Variants in PDE6A observed in about 807,000 individuals in gnomAD.
PDE6A encodes the protein phosphodiesterase 6A.
A neutral mutation model predicts 106.3 loss-of-function variants in PDE6A; 84 were observed. The observed-to-expected ratio is 0.79, with a 90% CI of 0.66 to 0.95. The LOEUF (loss-of-function observed/expected upper bound fraction) is 0.95, where lower values mean the gene tolerates loss of function less well. PDE6A is among the 40% of genes least tolerant of loss of function. PDE6A has a pLI of 0.00. For synonymous variants in PDE6A, 394 were observed against 386.6 expected, an observed-to-expected ratio of 1.02 and a Z score of -0.23; for missense variants, 1,052 against 1,084.9, an observed-to-expected ratio of 0.97 and a Z score of 0.43.
intron 4 of PDE6A, among the ~76,000 whole-genome samples, chr5:149,928,231 A>ATATATATTT: frequency 5.1e-5 from 1 of 19,744 alleles, no homozygotes; most frequent in African/African-American, 4.8e-4. Context: ...ATATATATAT[A>ATATATATTT]TTTTTTTTTT....
chr5:149,871,234 G>A (rs998150425), intron 17 of PDE6A, among the ~76,000 whole-genome samples: 3 of 152,190 alleles, frequency 2.0e-5, no homozygotes, highest in Admixed American at 1.3e-4. Flanking sequence ...AGAACACACA[G>A]GGAAAGTGGT....
chr5:149,886,225 G>A, intron 14 of PDE6A, 40 bp downstream of exon 14: 1 of 1,415,348 alleles, frequency 7.1e-7, no homozygotes, highest in Non-Finnish European at 1.0e-6. Flanking sequence ...GCTGGATAAT[G>A]AATCCGGAGG....
Position 149,895,198 on chromosome 5 carries a change from C to A in PDE6A, c.1713G>T (p.Met571Ile). ...WRHGFNVGQT[M>I]FSLLVTGKLK... ...CCCGCCATACCACCAGCAGGGAGAA[C>A]ATGGTCTGCCCCACGTTGAAGCCGT... The change falls in exon 13 of 22, where the codon ATG becomes ATT. Residue 571 changes from methionine to isoleucine, a missense_variant. By Grantham distance (10) the Met-to-Ile change is conservative. Around this residue, in one of 3 missense-constraint regions of PDE6A, gnomAD observed 913 missense variants for 915.2 expected, o/e 1.00. Transcript: ENST00000255266. The A allele has an allele frequency of 2.5e-6, 4 of 1,613,534 alleles. No homozygotes were observed. The highest frequency in any genetic ancestry group is 3.4e-6 in the Non-Finnish European group (4 of 1,179,438).
At chr5:149,870,994 G>C (rs527601309) in intron 17 of PDE6A, among the ~76,000 whole-genome samples, 1 of 152,068 alleles carries the variant, frequency 6.6e-6, no homozygotes, top group Non-Finnish European at 1.5e-5. Context: ...AAGGTGACTA[G>C]CTCAGTCCAG....
chr5:149,884,251 T>G (rs113860732), intron 16 of PDE6A, among the ~76,000 whole-genome samples: 1,792 of 146,678 alleles, frequency 0.012, 18 homozygotes, highest in South Asian at 0.034. Flanking sequence ...TATATGTGTA[T>G]ATATATGTGT....
intron 5 of PDE6A, among the ~76,000 whole-genome samples, chr5:149,915,522 GC>G (rs1753524582): frequency 6.6e-6 from 1 of 152,180 alleles, no homozygotes; most frequent in Non-Finnish European, 1.5e-5. Flanking sequence ...TGCCTGGGCT[GC>G]CTTCTGGTGC....
intron 17 of PDE6A, among the ~76,000 whole-genome samples, chr5:149,883,144 C>T (rs777155854): frequency 6.6e-6 from 1 of 152,186 alleles, no homozygotes; most frequent in Non-Finnish European, 1.5e-5. Flanking sequence ...TATCAGTTTA[C>T]CACCCAAATC....
chr5:149,920,992 A>AAGAAAGAAGG (rs376178582), intron 5 of PDE6A, among the ~76,000 whole-genome samples: 2 of 133,194 alleles, frequency 1.5e-5, no homozygotes, highest in Non-Finnish European at 3.1e-5. Flanking sequence ...GAAAGAAAGA[A>AAGAAAGAAGG]AGAAAAAGAA....
intron 1 of PDE6A, among the ~76,000 whole-genome samples, chr5:149,936,932 C>A (rs764773996): frequency 3.3e-5 from 5 of 152,204 alleles, no homozygotes; most frequent in Non-Finnish European, 7.3e-5. Context: ...CCTGAAACTA[C>A]AGCAATGAAC....
At chr5:149,934,438 A>C in intron 2 of PDE6A, 128 bp downstream of exon 2, 2 of 891,074 alleles carry the variant, frequency 2.2e-6, no homozygotes, top group Non-Finnish European at 3.8e-6. Context: ...CCCTCAGAGA[A>C]CATCAGGTGA....
rs1378664750 is a variant in PDE6A at position 149,860,926 on chromosome 5, G to A, written c.2552C>T (p.Ala851Val). 2 of 1,614,100 alleles carry A rather than the reference G, an allele frequency of 1.2e-6. No homozygotes were observed. The highest frequency in any genetic ancestry group is 1.1e-5 in the South Asian group (1 of 91,068). ...QPGGNPSPGGATTSKSCCIQ is the reference protein window; with the variant it reads ...QPGGNPSPGGVTTSKSCCIQ ...GATGCAGCAGGACTTGGATGTAGTTGCACCCCCTGGGCTGGGGTTTCCCCC... is the reference window on the plus strand; with the variant it reads ...GATGCAGCAGGACTTGGATGTAGTTACACCCCCTGGGCTGGGGTTTCCCCC... Residue 851 changes from alanine to valine, a missense_variant, in exon 22 of 22, where the codon GCA becomes GTA. Coordinates refer to ENST00000255266, the MANE Select transcript of PDE6A (RefSeq NM_000440.3).
In PDE6A at chr5:149,895,282, C is replaced by T. The variant is rs755100409; in HGVS notation, c.1629G>A (p.Val543=). 6.2e-7 allele frequency: 1 copy of T among 1,611,934 alleles called. No homozygotes were observed. The highest frequency in any genetic ancestry group is 8.5e-7 in the Non-Finnish European group (1 of 1,177,992). ...CCTTACTCAGGGAGTACATGAACCG[C>T]ACCAGGGCCTGTGAACACATGCACA... is the stretch of plus-strand genomic sequence containing the variant. The part of the protein sequence containing the change: ...DKFHIPQEAL[V]RFMYSLSKGY... The change falls in exon 13 of 22, where the codon GTG becomes GTA. Residue 543 remains valine, a synonymous_variant. Coordinates refer to ENST00000255266, the MANE Select transcript of PDE6A (RefSeq NM_000440.3).
At chr5:149,897,871 G>C (rs1346788463) in intron 10 of PDE6A, among the ~76,000 whole-genome samples, 1 of 152,160 alleles carries the variant, frequency 6.6e-6, no homozygotes, top group African/African-American at 2.4e-5. Context: ...ATAGGTGTAA[G>C]CCACTGCACC....
At chr5:149,888,051 C>T (rs1360048192) in intron 13 of PDE6A, among the ~76,000 whole-genome samples, 1 of 152,072 alleles carries the variant, frequency 6.6e-6, no homozygotes, top group Admixed American at 6.6e-5. Flanking sequence ...GTGGGAGGAT[C>T]GCTTGAGCCC....
chr5:149,884,256 A>ATG (rs1358073019), intron 16 of PDE6A, among the ~76,000 whole-genome samples: 1 of 141,900 alleles, frequency 7.0e-6, no homozygotes, highest in African/African-American at 2.5e-5. Context: ...GTGTATATAT[A>ATG]TGTGTATATA....
At chr5:149,925,625 T>G (rs1753844027) in intron 4 of PDE6A, among the ~76,000 whole-genome samples, 1 of 149,224 alleles carries the variant, frequency 6.7e-6, no homozygotes, top group Non-Finnish European at 1.5e-5. Flanking sequence ...GAGAATCTCT[T>G]GAACCCAGGA....
rs61736749 is a variant in PDE6A at position 149,934,669 on chromosome 5, T to C, written c.524A>G (p.Lys175Arg). Residue 175 changes from lysine (K) to arginine (R), a missense_variant, in exon 2 of 22, where the codon AAG becomes AGG. Transcript: ENST00000255266. ...CATTATGGGGGAAGCCAAGATGTTC[T>C]TGGTCTTGTACTCTGTGAGGATGTC... Reference protein sequence around the residue: ...FVDILTEYKTKNILASPIMNG... With the variant: ...FVDILTEYKTRNILASPIMNG... 6.2e-7 allele frequency: 1 copy of C among 1,614,020 alleles called. No homozygotes were observed. The highest frequency in any genetic ancestry group is 1.3e-5 in the African/African-American group (1 of 74,932).
At chr5:149,937,669 C>T (rs140568102) in intron 1 of PDE6A, among the ~76,000 whole-genome samples, 10 of 152,300 alleles carry the variant, frequency 6.6e-5, no homozygotes, top group African/African-American at 2.2e-4. Flanking sequence ...TCAGCCTGCA[C>T]CTGGCTGAGT....
rs763314010 is a variant in PDE6A at position 149,896,331 on chromosome 5, T to A, written c.1620+25A>T. ...CAAGAAAGAAAATTAAAAAGGGAAA[T>A]CATATATATTTGTTTTGACCTCACC... On this transcript the variant is annotated intron_variant, in intron 12 of 21. Transcript: ENST00000255266. The A allele has an allele frequency of 5.7e-6, 9 of 1,578,998 alleles. No individual in the cohort carries two copies. In the South Asian group the frequency reaches 1.0e-4, roughly 18 times the overall value.
Sources: gnomAD v4.1 joint callset for allele counts (sites outside exome capture counted in the v4.1 genomes callset) on GRCh38, gnomAD v4.1.1 for gene constraint, gnomAD v4.1.1 regional missense constraint, MANE v1.5 for transcripts, NCBI Gene and HGNC (gene_info 2026-07-23, HGNC 2026-07-21) for gene names.